The following NUP153 variants were observed in gnomAD, a reference collection of about 807,000 sequenced individuals.
The protein encoded by NUP153 is nucleoporin 153.
NUP153 carries 27 observed loss-of-function variants against 134.6 expected under a neutral mutation model. The observed-to-expected ratio is 0.20, with a 90% CI of 0.15 to 0.28. The LOEUF (loss-of-function observed/expected upper bound fraction) is 0.28, where lower values mean the gene tolerates loss of function less well. Ranked by LOEUF, NUP153 falls within the 10% of genes least tolerant of loss-of-function variation. The probability of loss-of-function intolerance (pLI) is 1.00; values close to 1 mark genes in which losing one functional copy is unlikely to be tolerated. For synonymous variants in NUP153, 640 were observed against 623.5 expected, an observed-to-expected ratio of 1.03 and a Z score of -0.40; for missense variants, 1,821 against 1,731.3, an observed-to-expected ratio of 1.05 and a Z score of -0.92.
In NUP153 at chr6:17,706,545, T is replaced by G. The variant is rs115927757; in HGVS notation, c.-158A>C. On this transcript the variant is annotated 5_prime_UTR_variant, in exon 1 of 22. Coordinates refer to ENST00000262077, the MANE Select transcript of NUP153 (RefSeq NM_005124.4). This position sits in a 1 kb window ranked among gnomAD's most constrained non-coding sequence, Gnocchi z 5.9. ...ACAAGCACCCCAGGAACCGCGAGGTTGCGAGCAGGAGCGGAGAGAGGGTGA... is the reference window on the plus strand; with the variant it reads ...ACAAGCACCCCAGGAACCGCGAGGTGGCGAGCAGGAGCGGAGAGAGGGTGA... 3.5e-3 allele frequency: 2,086 copies of G among 600,030 alleles called. 25 individuals carry two copies. The highest frequency in any genetic ancestry group is 0.026 in the African/African-American group (1,352 of 51,212). The allele number at this position is 600,030 out of a possible 1,614,324, so 37.2% of individuals were successfully genotyped here.
rs1226153286 is a variant in NUP153 at position 17,685,172 on chromosome 6, A to C, written c.334+3224T>G. 2.6e-5 allele frequency among the ~76,000 whole-genome samples: 4 copies of C among 152,196 alleles called. No homozygotes were observed. The East Asian group carries it at 7.7e-4, about 29-fold the overall frequency. On this transcript the variant is annotated intron_variant, in intron 2 of 21. Transcript: ENST00000262077. ...AAAATTAATATTTAGTAAACAACTA[A>C]ATTTATTTAGGACTGCCATATGTTA... is the stretch of plus-strand genomic sequence containing the variant.
At chr6:17,678,713 G>T (rs1413080678) in intron 2 of NUP153, among the ~76,000 whole-genome samples, 14 of 152,146 alleles carry the variant, frequency 9.2e-5, no homozygotes, top group Admixed American at 8.5e-4. Context: ...GGAGGCCAAG[G>T]CAGGAGGATT....
At chr6:17,681,771 C>T (rs908188025) in intron 2 of NUP153, among the ~76,000 whole-genome samples, 5 of 152,148 alleles carry the variant, frequency 3.3e-5, no homozygotes, top group Non-Finnish European at 7.4e-5. Flanking sequence ...TAGTATATTA[C>T]ACTATGAACA....
rs376031078 is a variant in NUP153 at position 17,674,909 on chromosome 6, T to C, written c.848A>G (p.Tyr283Cys). 11 of 1,593,772 alleles carry C rather than the reference T, an allele frequency of 6.9e-6. No homozygotes were observed. In the African/African-American group the frequency reaches 1.5e-4, roughly 21 times the overall value. The change falls in exon 5 of 22, where the codon TAT becomes TGT. Residue 283 changes from tyrosine (Y) to cysteine (C), a missense_variant. By Grantham distance (194) the Tyr-to-Cys change is radical. Coordinates refer to ENST00000262077, the MANE Select transcript of NUP153 (RefSeq NM_005124.4). ...AACCCTTCTATTGGAACCTACCTGA[T>C]AAGGTGTATTTCGTAGTTTAGACTG... is the stretch of plus-strand genomic sequence containing the variant. Reference protein sequence around the residue: ...VRQSKLRNTPYQAPVRRQMKA... With the variant: ...VRQSKLRNTPCQAPVRRQMKA...
chr6:17,661,759 A>G lies in NUP153; in HGVS notation c.1289T>C (p.Phe430Ser). ...QRESGFSYPN[F>S]SLPAANGLSS... ...TAAACCATTGGCTGCAGGCAAACTG[A>G]AATTTGGATATGAAAAGCCACTGGC... Residue 430 changes from phenylalanine (F) to serine (S), a missense_variant, in exon 11 of 22, where the codon TTC becomes TCC. Coordinates refer to ENST00000262077, the MANE Select transcript of NUP153 (RefSeq NM_005124.4). The G allele has an allele frequency of 2.5e-6, 4 of 1,613,086 alleles. No individual in the cohort carries two copies. The African/African-American group carries it at 4.0e-5, about 16-fold the overall frequency.
intron 20 of NUP153, among the ~76,000 whole-genome samples, chr6:17,618,732 AT>A (rs773204875): frequency 2.6e-5 from 4 of 151,950 alleles, no homozygotes; most frequent in African/African-American, 7.2e-5. Flanking sequence ...CGCCTGGCTA[AT>A]TTTTTGTATT....
chr6:17,705,747 T>C lies in NUP153; in HGVS notation c.111+530A>G, dbSNP rs2150257934. 2.6e-5 allele frequency among the ~76,000 whole-genome samples: 4 copies of C among 152,190 alleles called. No individual in the cohort carries two copies. The Middle Eastern group carries it at 0.014, about 518-fold the overall frequency. On this transcript the variant is annotated intron_variant, in intron 1 of 21. Coordinates refer to ENST00000262077, the MANE Select transcript of NUP153 (RefSeq NM_005124.4). ...CAGGCAGGGGAAACCGAGAATTAAC[T>C]CATAGGCTGAGACTAAGTTATTCCA...
intron 20 of NUP153, among the ~76,000 whole-genome samples, chr6:17,618,457 T>A (rs954079513): frequency 6.6e-6 from 1 of 151,114 alleles, no homozygotes; most frequent in Non-Finnish European, 1.5e-5. Flanking sequence ...CTTCATCCAC[T>A]GGAGAGTTGG....
rs749418526 is a variant in NUP153 at position 17,629,301 on chromosome 6, T to C, written c.2898A>G (p.Glu966=). 4 of 1,608,232 alleles carry C rather than the reference T, an allele frequency of 2.5e-6. No individual in the cohort carries two copies. The African/African-American group carries it at 5.4e-5, about 22-fold the overall frequency. ...IGDFKFGVSS[E]SKPEEVKKDS... ...CTTTTTTAACTTCTTCGGGCTTAGA[T>C]TCAGATGAAACTCCAAATTTAAAAT... Residue 966 remains glutamate, a synonymous_variant, in exon 18 of 22, where the codon GAA becomes GAG. Coordinates refer to ENST00000262077, the MANE Select transcript of NUP153 (RefSeq NM_005124.4).
At chr6:17,634,328 T>C (rs1382981938) in intron 16 of NUP153, among the ~76,000 whole-genome samples, 7 of 152,168 alleles carry the variant, frequency 4.6e-5, no homozygotes, top group Admixed American at 3.3e-4. Flanking sequence ...TTTCAGGCCA[T>C]CTTGAGTGAA....
At chr6:17,643,733 G>A (rs1195523313) in intron 14 of NUP153, among the ~76,000 whole-genome samples, 3 of 152,030 alleles carry the variant, frequency 2.0e-5, no homozygotes, top group Non-Finnish European at 2.9e-5. Context: ...GAGAACCAAC[G>A]GTGTCAAAGT....
chr6:17,676,056 C>T (rs999373322), intron 2 of NUP153, among the ~76,000 whole-genome samples: 30 of 152,166 alleles, frequency 2.0e-4, no homozygotes, highest in African/African-American at 7.2e-4. Flanking sequence ...AACCCATTCA[C>T]TTTTTTGATG....
chr6:17,668,415 T>TCTGTC (rs1767683142), intron 8 of NUP153, among the ~76,000 whole-genome samples: 1 of 151,890 alleles, frequency 6.6e-6, no homozygotes, highest in Non-Finnish European at 1.5e-5. Flanking sequence ...AAGGTAACAG[T>TCTGTC]AAGCCATAAA....
chr6:17,666,265 C>T (rs753963188), intron 8 of NUP153, among the ~76,000 whole-genome samples: 6 of 151,978 alleles, frequency 3.9e-5, no homozygotes, highest in Non-Finnish European at 8.8e-5. Flanking sequence ...ACCTGTAATC[C>T]CAGCAATGTG....
At chr6:17,699,396 T>C (rs535603724) in intron 1 of NUP153, among the ~76,000 whole-genome samples, 5 of 150,486 alleles carry the variant, frequency 3.3e-5, no homozygotes, top group South Asian at 2.1e-4. Context: ...GGCAGGAGAA[T>C]TGCTTGAACC....
At chr6:17,701,294 C>T (rs1770051880) in intron 1 of NUP153, among the ~76,000 whole-genome samples, 1 of 151,258 alleles carries the variant, frequency 6.6e-6, no homozygotes, top group Admixed American at 6.6e-5. Context: ...CTTTGAGAGG[C>T]CGAGGAGGCC....
intron 1 of NUP153, among the ~76,000 whole-genome samples, chr6:17,701,685 T>C (rs557594608): frequency 5.3e-5 from 8 of 150,198 alleles, no homozygotes; most frequent in African/African-American, 2.0e-4. Flanking sequence ...AATACAAAAA[T>C]TAGCTAGGCG....
intron 1 of NUP153, among the ~76,000 whole-genome samples, chr6:17,691,289 C>T (rs534352126): frequency 1.3e-5 from 2 of 152,320 alleles, no homozygotes; most frequent in African/African-American, 4.8e-5. Flanking sequence ...AACTACTGAA[C>T]AACACCAATT....
intron 9 of NUP153, 45 bp from the exon 10 acceptor site, chr6:17,662,115 A>G (rs768698825): frequency 8.9e-6 from 14 of 1,575,432 alleles, no homozygotes; most frequent in African/African-American, 2.7e-5. Context: ...TATTTGTTGT[A>G]ATTTTCTTAG....
Sources: gnomAD v4.1 joint callset for allele counts (sites outside exome capture counted in the v4.1 genomes callset) on GRCh38, gnomAD v4.1.1 for gene constraint, Gnocchi (gnomAD v3.1) non-coding constraint, MANE v1.5 for transcripts, NCBI Gene and HGNC (gene_info 2026-07-23, HGNC 2026-07-21) for gene names.